The following PPFIBP2 variants were observed in gnomAD, a reference collection of about 807,000 sequenced individuals.
PPFIBP2 encodes the protein liprin-beta-2.
A neutral mutation model predicts 118.3 loss-of-function variants in PPFIBP2; 118 were observed. That is an observed-to-expected ratio of 1.00 (90% confidence interval 0.86 to 1.16). The LOEUF is 1.16. Ranked by LOEUF, PPFIBP2 falls within the 50% of genes most tolerant of loss-of-function variation. The pLI is 0.00. For missense variants in PPFIBP2, 1,195 were observed against 1,073.1 expected (o/e 1.11, Z -1.59); for synonymous variants, 414 against 397.4 (o/e 1.04, Z -0.50).
At chr11:7,608,427 G>A (rs1306182737) in intron 5 of PPFIBP2, among the ~76,000 whole-genome samples, 1 of 152,082 alleles carries the variant, frequency 6.6e-6, no homozygotes, top group African/African-American at 2.4e-5. Context: ...AATTACTGGA[G>A]ATCAGGAGTT....
At chr11:7,641,219 C>T (rs117036680) in intron 15 of PPFIBP2, 26,236 of 800,998 alleles carry the variant, frequency 0.033, 534 homozygotes, top group Middle Eastern at 0.062. Flanking sequence ...TGGAATAATC[C>T]ACAAGTACTT....
downstream of PPFIBP2, among the ~76,000 whole-genome samples, chr11:7,654,380 C>G (rs1854491569): frequency 6.6e-6 from 1 of 152,222 alleles, no homozygotes; most frequent in South Asian, 2.1e-4. Context: ...CAGTGCTTGG[C>G]TCCCCTCAAT....
In PPFIBP2 at chr11:7,565,549, G is replaced by A. The variant is rs1280584968; in HGVS notation, c.65-4G>A. On this transcript the variant is annotated splice_polypyrimidine_tract_variant and splice_region_variant and intron_variant, in intron 2 of 23. Coordinates refer to ENST00000299492, the MANE Select transcript of PPFIBP2 (RefSeq NM_003621.5). ...ACTGAGTTTTCACCTCTCTCTCATT[G>A]CAGGCACTAAAACAGGTGCAGATCT... 1.2e-6 allele frequency: 2 copies of A among 1,614,042 alleles called. No homozygotes were observed. The highest frequency in any genetic ancestry group is 2.2e-5 in the South Asian group (2 of 91,078).
At chr11:7,563,223 C>T (rs1276886084) in intron 2 of PPFIBP2, among the ~76,000 whole-genome samples, 1 of 152,018 alleles carries the variant, frequency 6.6e-6, no homozygotes, top group Admixed American at 6.6e-5. Context: ...AACTGGATGG[C>T]TACGTGTTTA....
At chr11:7,625,504 G>T (rs1849875120) in intron 7 of PPFIBP2, among the ~76,000 whole-genome samples, 1 of 152,202 alleles carries the variant, frequency 6.6e-6, no homozygotes, top group African/African-American at 2.4e-5. Flanking sequence ...TCCTCACAGT[G>T]CAGGGGAGAG....
chr11:7,609,712 GATTGTA>G (rs1488654027), intron 5 of PPFIBP2, among the ~76,000 whole-genome samples: 6 of 152,272 alleles, frequency 3.9e-5, no homozygotes, highest in Non-Finnish European at 8.8e-5. Flanking sequence ...AGAGTGGCCA[GATTGTA>G]ATTTTGGAAC....
chr11:7,594,277 G>T lies in PPFIBP2; in HGVS notation c.372+1053G>T, dbSNP rs74235449. Among the ~76,000 whole-genome samples, 424 of 151,396 alleles carry T rather than the reference G, an allele frequency of 2.8e-3. 4 individuals are homozygous for T. The highest frequency in any genetic ancestry group is 8.8e-3 in the African/African-American group (364 of 41,374). Reference sequence around the variant, plus strand: ...TTCGGCCTTTTTTCCAGTGTTGTTGGTTTTTTTTCTTTTGCCTCTATTGTA... The same window carrying T: ...TTCGGCCTTTTTTCCAGTGTTGTTGTTTTTTTTTCTTTTGCCTCTATTGTA... On this transcript the variant is annotated intron_variant, in intron 4 of 23. Transcript: ENST00000299492.
At chr11:7,601,545 A>G (rs1357380103) in intron 5 of PPFIBP2, among the ~76,000 whole-genome samples, 2 of 152,180 alleles carry the variant, frequency 1.3e-5, no homozygotes, top group Non-Finnish European at 2.9e-5. Flanking sequence ...CATACCTTGT[A>G]GCTGTCTACA....
intron 17 of PPFIBP2, among the ~76,000 whole-genome samples, chr11:7,644,001 T>C (rs1852605886): frequency 6.6e-6 from 1 of 152,206 alleles, no homozygotes; most frequent in Non-Finnish European, 1.5e-5. Flanking sequence ...TAGTTAAATT[T>C]TTCTTTTTCA....
intron 1 of PPFIBP2, among the ~76,000 whole-genome samples, chr11:7,545,170 T>C (rs1041731712): frequency 6.6e-6 from 1 of 152,194 alleles, no homozygotes; most frequent in African/African-American, 2.4e-5. Context: ...GGCTCACGCC[T>C]GTAATCCCAG....
chr11:7,528,654 G>T (rs1264039149), intron 1 of PPFIBP2, among the ~76,000 whole-genome samples: 1 of 152,218 alleles, frequency 6.6e-6, no homozygotes, highest in Admixed American at 6.5e-5. Context: ...TGGGGCTGTA[G>T]GGGTTGAGAG....
At chr11:7,660,815 C>T (rs1447753064), downstream of PPFIBP2, among the ~76,000 whole-genome samples, 1 of 151,740 alleles carries the variant, frequency 6.6e-6, no homozygotes, top group Non-Finnish European at 1.5e-5. Context: ...ATTATTGCCA[C>T]AATTTCAGAT....
rs150081726 is a variant in PPFIBP2, at chr11:7,624,511, C to G, written c.712-1266C>G. ...GGGGTTGGTCAGATATTAACTTGGG[C>G]CTTTGTGGAATTGAACAGCCCATAC... On this transcript the variant is annotated intron_variant, in intron 7 of 23. Transcript: ENST00000299492. Among the ~76,000 whole-genome samples, 628 of 152,218 alleles carry G rather than the reference C, an allele frequency of 4.1e-3. 3 individuals are homozygous for G. The highest frequency in any genetic ancestry group is 0.014 in the African/African-American group (587 of 41,540).
At chr11:7,526,593 C>T (rs189886432) in intron 1 of PPFIBP2, among the ~76,000 whole-genome samples, 28 of 152,146 alleles carry the variant, frequency 1.8e-4, no homozygotes, top group East Asian at 1.7e-3. Context: ...CAGAAGCGGC[C>T]GGGTGCGGTG....
At chr11:7,656,898 C>T (rs376827310), downstream of PPFIBP2, 1,421 of 906,864 alleles carry the variant, frequency 1.6e-3, 11 homozygotes, top group Middle Eastern at 0.011. Context: ...AAGCCCAGTC[C>T]GGGCTGGCAG....
intron 5 of PPFIBP2, among the ~76,000 whole-genome samples, chr11:7,606,269 A>T (rs1590541284): frequency 6.6e-6 from 1 of 152,192 alleles, no homozygotes. Context: ...TGTTGAAAAA[A>T]CATGATTCAC....
Position 7,651,729 on chromosome 11 carries a change from G to T in PPFIBP2, c.2321G>T (p.Arg774Met). The change falls in exon 23 of 24, where the codon AGG becomes ATG. Residue 774 changes from arginine (R) to methionine (M), a missense_variant. Transcript: ENST00000299492. ...LNIPPQKTLL[R>M]RHLTTKFNAL... The stretch of plus-strand genomic sequence containing the variant: ...ATCCCCCCACAAAAGACGCTCCTCA[G>T]GCGCCACCTGACCACCAAGTTCAAT... The T allele has an allele frequency of 6.2e-7, 1 of 1,614,098 alleles. No homozygotes were observed. The highest frequency in any genetic ancestry group is 8.5e-7 in the Non-Finnish European group (1 of 1,179,926).
Position 7,639,760 on chromosome 11 carries a change from A to G in PPFIBP2, c.1265A>G (p.Tyr422Cys). ...AGCCCTTTCTTGGCGGAGCACAAAT[A>G]TCCCACTTTACCTGGGAAGCTTTCA... is the stretch of plus-strand genomic sequence containing the variant. ...KDSPFLAEHK[Y>C]PTLPGKLSGA... is the part of the protein sequence containing the mutation. The change falls in exon 15 of 24, where the codon TAT becomes TGT. Residue 422 changes from tyrosine (Y) to cysteine (C), a missense_variant. Physicochemically the swap from Tyr to Cys is radical, Grantham distance 194. Transcript: ENST00000299492. 2.5e-6 allele frequency: 4 copies of G among 1,614,102 alleles called. No individual in the cohort carries two copies. Among genetic ancestry groups the G allele is most frequent in the Non-Finnish European group, 3.4e-6 (4 of 1,179,996 alleles).
intron 3 of PPFIBP2, among the ~76,000 whole-genome samples, chr11:7,580,905 C>G (rs1319158647): frequency 6.6e-6 from 1 of 152,150 alleles, no homozygotes; most frequent in Non-Finnish European, 1.5e-5. Context: ...CAGATGGAAC[C>G]AGGTTCTCTC....
Sources: allele counts gnomAD v4.1 joint callset (sites outside exome capture counted in the v4.1 genomes callset), GRCh38; gene constraint gnomAD v4.1.1; transcripts MANE v1.5; gene names NCBI Gene and HGNC (gene_info 2026-07-23, HGNC 2026-07-21).